EEA1: variants seen among roughly 807,000 people sequenced by gnomAD.
EEA1 encodes the protein early endosome antigen 1, 162kD.
EEA1 carries 111 observed loss-of-function variants against 209.2 expected under a neutral mutation model. That is an observed-to-expected ratio of 0.53 (90% CI 0.45 to 0.62). The LOEUF (loss-of-function observed/expected upper bound fraction) is 0.62, where lower values mean the gene tolerates loss of function less well. Among genes scored for constraint, EEA1 ranks in the 20% least tolerant of loss-of-function variants. EEA1 has a pLI of 0.00. For missense variants in EEA1, 1,343 were observed against 1,530.8 expected, an observed-to-expected ratio of 0.88 and a Z score of 2.05; for synonymous variants, 536 against 540.6, an observed-to-expected ratio of 0.99 and a Z score of 0.12.
chr12:92,840,158 A>T (rs1393738184), intron 10 of EEA1, among the ~76,000 whole-genome samples: 1 of 151,818 alleles, frequency 6.6e-6, no homozygotes, highest in Non-Finnish European at 1.5e-5. Context: ...ATTATATTTC[A>T]CGAAAATGTT....
intron 1 of EEA1, among the ~76,000 whole-genome samples, chr12:92,925,198 A>C (rs1461669902): frequency 1.3e-5 from 2 of 151,062 alleles, no homozygotes; most frequent in Non-Finnish European, 3.0e-5. Flanking sequence ...AAAAAAAAAA[A>C]CACTAATCAC....
At position 92,851,250 on chromosome 12, in the gene EEA1, A is replaced by G. The variant is rs747163579; in HGVS notation, c.659T>C (p.Ile220Thr). Residue 220 changes from isoleucine to threonine, a missense_variant, in exon 9 of 29, where the codon ATA becomes ACA. Transcript: ENST00000322349. Reference sequence around the variant, plus strand: ...TTTCTTTAGCACGGCAACATCTTCTATACCAGGTCTCTGAAGCTGTGAAAC... The same window carrying G: ...TTTCTTTAGCACGGCAACATCTTCTGTACCAGGTCTCTGAAGCTGTGAAAC... ...LKTELLQRPG[I>T]EDVAVLKKEL... The G allele has an allele frequency of 6.2e-6, 10 of 1,612,218 alleles. No homozygotes were observed. In the Admixed American group the frequency reaches 8.4e-5, roughly 14 times the overall value.
chr12:92,857,516 G>A, intron 3 of EEA1, 31 bp from the exon 4 acceptor site: 1 of 1,448,518 alleles, frequency 6.9e-7, no homozygotes, highest in South Asian at 1.4e-5. Flanking sequence ...GGAATTAATA[G>A]TCAATGTCCT....
rs1418775604 is a variant in EEA1 at position 92,866,049 on chromosome 12, G to A, written c.118-1062C>T. Among the ~76,000 whole-genome samples, 4 of 151,520 alleles carry A rather than the reference G, an allele frequency of 2.6e-5. No homozygotes were observed. In the East Asian group the frequency reaches 5.8e-4, roughly 22 times the overall value. On this transcript the variant is annotated intron_variant, in intron 2 of 28. Coordinates refer to ENST00000322349, the MANE Select transcript of EEA1 (RefSeq NM_003566.4). ...CAGGCATGAGCCACCATGCCCAGCC[G>A]GGTGTGGTGGCACACACGTGTAGTC...
intron 3 of EEA1, chr12:92,858,749 T>C (rs1212954643): frequency 3.9e-6 from 3 of 763,586 alleles, no homozygotes; most frequent in Non-Finnish European, 7.2e-6. Context: ...AGGGATGCCC[T>C]AAAGGAGAAA....
At chr12:92,848,565 A>G (rs1877475369) in intron 9 of EEA1, among the ~76,000 whole-genome samples, 1 of 152,116 alleles carries the variant, frequency 6.6e-6, no homozygotes, top group South Asian at 2.1e-4. Context: ...AATCTACAAT[A>G]GAAATATAAA....
chr12:92,777,504 C>T (rs1873705921), intron 27 of EEA1, 39 bp downstream of exon 27: 1 of 1,567,354 alleles, frequency 6.4e-7, no homozygotes, highest in African/African-American at 1.4e-5. Flanking sequence ...TAAGCCAATT[C>T]TAGACTAAAA....
chr12:92,896,932 T>C (rs900891308), intron 1 of EEA1, among the ~76,000 whole-genome samples: 5 of 152,030 alleles, frequency 3.3e-5, no homozygotes, highest in Non-Finnish European at 7.4e-5. Flanking sequence ...CCTAGTGCTT[T>C]GGGAGGCCAA....
At chr12:92,921,599 T>G (rs1163193586) in intron 1 of EEA1, among the ~76,000 whole-genome samples, 2 of 69,460 alleles carry the variant, frequency 2.9e-5, no homozygotes, top group Non-Finnish European at 2.7e-5. Flanking sequence ...GGGACTGTGG[T>G]GGGGTTGGGG....
chr12:92,929,192 G>A lies in EEA1; in HGVS notation c.-126C>T. The stretch of plus-strand genomic sequence containing the variant: ...GGACCGGGAAGGAGGTCGGGGCGAG[G>A]CGGTGGCGACGGCCGCTCGGGCGGC... On this transcript the variant is annotated 5_prime_UTR_variant, in exon 1 of 29. Transcript: ENST00000322349. 2.0e-6 allele frequency: 2 copies of A among 1,009,630 alleles called. No individual in the cohort carries two copies. The highest frequency in any genetic ancestry group is 3.4e-5 in the South Asian group (2 of 58,916). 62.5% of individuals were successfully genotyped at this position (1,009,630 alleles called of 1,614,324 possible). A position where few individuals can be genotyped will look rare whatever the true frequency, so the allele number is the denominator to read the frequency against.
intron 10 of EEA1, among the ~76,000 whole-genome samples, chr12:92,839,244 T>G (rs962822166): frequency 1.3e-5 from 2 of 152,180 alleles, no homozygotes; most frequent in Non-Finnish European, 1.5e-5. Flanking sequence ...GACTAATGCA[T>G]GATCTTATAA....
At chr12:92,830,451 G>A (rs1007262829) in intron 11 of EEA1, among the ~76,000 whole-genome samples, 4 of 151,982 alleles carry the variant, frequency 2.6e-5, no homozygotes, top group Non-Finnish European at 4.4e-5. Flanking sequence ...ATATTAGCTC[G>A]CTTAGGACAA....
chr12:92,777,825 C>T, intron 26 of EEA1, 116 bp downstream of exon 26: 1 of 1,243,538 alleles, frequency 8.0e-7, no homozygotes, highest in Non-Finnish European at 1.1e-6. Flanking sequence ...TACTTAAATA[C>T]CTATAGAGGC....
In EEA1 at chr12:92,811,393, T is replaced by C. The variant is rs994284309; in HGVS notation, c.2085A>G (p.Ala695=). ...KITTQLDQVT[A]KLQDKQEHCS... ...AATGTTCTTGCTTGTCTTGTAACTT[T>C]GCAGTGACCTGATCCAACTGAGTAG... Residue 695 remains alanine, a synonymous_variant, in exon 17 of 29, where the codon GCA becomes GCG. Transcript: ENST00000322349. The C allele has an allele frequency of 6.2e-7, 1 of 1,600,288 alleles. No homozygotes were observed. The highest frequency in any genetic ancestry group is 8.5e-7 in the Non-Finnish European group (1 of 1,174,734).
chr12:92,884,122 A>C, intron 2 of EEA1: 1 of 1,191,492 alleles, frequency 8.4e-7, no homozygotes, highest in Non-Finnish European at 1.2e-6. Context: ...ACAATGAAGA[A>C]CAACACCTAA....
intron 22 of EEA1, among the ~76,000 whole-genome samples, chr12:92,782,565 A>G (rs1438234312): frequency 3.3e-5 from 5 of 152,226 alleles, no homozygotes; most frequent in Admixed American, 3.3e-4. Context: ...TAAATGCTTC[A>G]TTATGCATAC....
intron 13 of EEA1, among the ~76,000 whole-genome samples, chr12:92,824,067 A>G (rs1445186274): frequency 6.6e-6 from 1 of 152,134 alleles, no homozygotes; most frequent in Non-Finnish European, 1.5e-5. Flanking sequence ...AATCACCCTA[A>G]TCAAGGTCAT....
chr12:92,803,030 A>G (rs538896841), intron 18 of EEA1, among the ~76,000 whole-genome samples: 18 of 152,178 alleles, frequency 1.2e-4, no homozygotes, highest in African/African-American at 4.1e-4. Flanking sequence ...TCCCGAGGAA[A>G]AAAACTATGT....
chr12:92,928,558 A>G (rs1270743228), intron 1 of EEA1, among the ~76,000 whole-genome samples: 3 of 152,228 alleles, frequency 2.0e-5, no homozygotes, highest in Non-Finnish European at 2.9e-5. Context: ...CCAAAGGAGA[A>G]AGCAGGGCCG....
Sources: allele counts gnomAD v4.1 joint callset (sites outside exome capture counted in the v4.1 genomes callset), GRCh38; gene constraint gnomAD v4.1.1; transcripts MANE v1.5; gene names NCBI Gene and HGNC (gene_info 2026-07-23, HGNC 2026-07-21).